The following ANKDD1B variants were observed in gnomAD, a reference collection of about 807,000 sequenced individuals.
ANKDD1B encodes the protein ankyrin repeat and death domain-containing protein 1B.
In ANKDD1B, 57 loss-of-function variants were observed where a neutral mutation model predicts 59.7. The observed-to-expected ratio is 0.95, with a 90% CI of 0.77 to 1.19. The LOEUF (loss-of-function observed/expected upper bound fraction) is 1.19, where lower values mean the gene tolerates loss of function less well. ANKDD1B is among the 50% of genes most tolerant of loss of function. The pLI, the probability that ANKDD1B is intolerant of heterozygous loss-of-function variation, is 0.00. For synonymous variants in ANKDD1B, 216 were observed against 239.5 expected, an observed-to-expected ratio of 0.90 and a Z score of 0.91; for missense variants, 602 against 641.9, an observed-to-expected ratio of 0.94 and a Z score of 0.67.
At chr5:75,621,309 C>G (rs1773843096) in intron 3 of ANKDD1B, among the ~76,000 whole-genome samples, 2 of 152,134 alleles carry the variant, frequency 1.3e-5, no homozygotes, top group African/African-American at 4.8e-5. Flanking sequence ...GGGCACAGTT[C>G]CATGATTTGC....
intron 10 of ANKDD1B, among the ~76,000 whole-genome samples, chr5:75,662,922 C>T (rs907866498): frequency 6.6e-6 from 1 of 151,998 alleles, no homozygotes; most frequent in Non-Finnish European, 1.5e-5. Flanking sequence ...TAAGATCCAG[C>T]CCTTTTCTGT....
chr5:75,644,694 CAGAA>C (rs1367820691), intron 7 of ANKDD1B, among the ~76,000 whole-genome samples: 16 of 31,550 alleles, frequency 5.1e-4, no homozygotes, highest in African/African-American at 5.0e-3. Context: ...ATCAACGAGA[CAGAA>C]AGTCAACAAG....
Position 75,666,835 on chromosome 5 carries a change from T to C in ANKDD1B, c.1235T>C (p.Leu412Pro). The change falls in exon 12 of 14, where the codon CTG becomes CCG. Residue 412 changes from leucine (L) to proline (P), a missense_variant. Coordinates refer to ENST00000601380, the MANE Select transcript of ANKDD1B (RefSeq NM_001276713.2). ...SIRDPSTGFT[L>P]TFKQDHSLET... ...AGGGACCCGTCAACAGGCTTTACTC[T>C]GACATTCAAGCAAGATCACAGTCTG... is the stretch of plus-strand genomic sequence containing the variant. The C allele has an allele frequency of 1.3e-6, 2 of 1,536,046 alleles. No homozygotes were observed. The highest frequency in any genetic ancestry group is 1.7e-6 in the Non-Finnish European group (2 of 1,146,872).
At chr5:75,640,445 A>T (rs78716683) in intron 7 of ANKDD1B, among the ~76,000 whole-genome samples, 7 of 152,232 alleles carry the variant, frequency 4.6e-5, no homozygotes, top group Admixed American at 3.3e-4. Flanking sequence ...GTGCCAAAGC[A>T]TATAGTCTTG....
rs1773672618 is a variant in ANKDD1B at position 75,614,843 on chromosome 5, G to GAAAC, written c.194-1957_194-1954dup. Among the ~76,000 whole-genome samples, 8 of 152,324 alleles carry GAAAC rather than the reference G, an allele frequency of 5.3e-5. No homozygotes were observed. In the South Asian group the frequency reaches 1.5e-3, roughly 28 times the overall value. On this transcript the variant is annotated intron_variant, in intron 1 of 13. Transcript: ENST00000601380. ...AGTACCATTTAGCTGTTCAGGTACA[G>GAAAC]AAACAAAGCAAGTAGCAGTTGGATT...
intron 7 of ANKDD1B, among the ~76,000 whole-genome samples, chr5:75,638,503 T>C (rs1774375745): frequency 6.6e-6 from 1 of 152,200 alleles, no homozygotes; most frequent in Non-Finnish European, 1.5e-5. Flanking sequence ...CCCATATCAG[T>C]AAAGAAAGTT....
At position 75,666,974 on chromosome 5, in the gene ANKDD1B, C is replaced by T; in HGVS notation, c.1374C>T (p.Ala458=). 1 of 1,484,116 alleles carries T rather than the reference C, an allele frequency of 6.7e-7. No homozygotes were observed. Among genetic ancestry groups the T allele is most frequent in the African/African-American group, 1.4e-5 (1 of 71,420 alleles). 91.9% of individuals were successfully genotyped at this position (1,484,116 alleles called of 1,614,324 possible). The part of the protein sequence containing the change: ...SWNFTDDQIR[A]IEEQWSGNES... The stretch of plus-strand genomic sequence containing the variant: ...ACTTTACAGATGACCAGATTAGAGC[C>T]ATTGAGGAGCAGTGGTCGGGTGAGT... The change falls in exon 12 of 14, where the codon GCC becomes GCT. Residue 458 remains alanine (A), a synonymous_variant. Transcript: ENST00000601380.
intron 5 of ANKDD1B, among the ~76,000 whole-genome samples, chr5:75,632,519 C>T (rs1774192544): frequency 6.6e-6 from 1 of 152,166 alleles, no homozygotes; most frequent in South Asian, 2.1e-4. Context: ...ATGTGACCAT[C>T]CCTGAACCAA....
chr5:75,644,992 A>G (rs1774601183), intron 7 of ANKDD1B, among the ~76,000 whole-genome samples: 1 of 133,672 alleles, frequency 7.5e-6, no homozygotes, highest in African/African-American at 4.1e-5. Context: ...CTGCTCCTGA[A>G]TGACTATTGG....
chr5:75,626,782 GTTTTT>G (rs57852660), intron 5 of ANKDD1B, among the ~76,000 whole-genome samples: 12 of 146,566 alleles, frequency 8.2e-5, no homozygotes, highest in South Asian at 2.1e-4. Flanking sequence ...TCTAGGCCTT[GTTTTT>G]TTTTTTTGTT....
chr5:75,667,215 A>G (rs980970583), intron 12 of ANKDD1B, among the ~76,000 whole-genome samples: 22 of 152,218 alleles, frequency 1.4e-4, no homozygotes, highest in Admixed American at 1.4e-3. Flanking sequence ...CGAAGTTTGT[A>G]AAGGATGATT....
intron 4 of ANKDD1B, 33 bp from the exon 5 acceptor site, chr5:75,625,818 C>T (rs1773979585): frequency 6.5e-7 from 1 of 1,530,898 alleles, no homozygotes; most frequent in Non-Finnish European, 8.8e-7. Context: ...TCTGAGGTCA[C>T]TGTCTATCTC....
At chr5:75,611,911 C>T in intron 1 of ANKDD1B, 84 bp downstream of exon 1, 1 of 1,107,036 alleles carries the variant, frequency 9.0e-7, no homozygotes, top group East Asian at 3.2e-5. Flanking sequence ...CAGAGCAGCA[C>T]CTCCGGACGC....
At position 75,663,449 on chromosome 5, in the gene ANKDD1B, G is replaced by A. The variant is rs1446118875; in HGVS notation, c.1151G>A (p.Gly384Asp). 2 of 1,536,442 alleles carry A rather than the reference G, an allele frequency of 1.3e-6. No individual in the cohort carries two copies. The highest frequency in any genetic ancestry group is 2.4e-5 in the East Asian group (1 of 40,918). ...AGGAGCAACCATAGCCTTGTCGTGGGCATGCTCATTAAAGCAGAGAGATAC... is the reference window on the plus strand; with the variant it reads ...AGGAGCAACCATAGCCTTGTCGTGGACATGCTCATTAAAGCAGAGAGATAC... ...ASRSNHSLVV[G>D]MLIKAERYYA... The change falls in exon 11 of 14, where the codon GGC (glycine) becomes GAC (aspartate). Residue 384 changes from glycine to aspartate, a missense_variant. Transcript: ENST00000601380.
intron 9 of ANKDD1B, among the ~76,000 whole-genome samples, chr5:75,656,407 G>A (rs1435072147): frequency 6.6e-6 from 1 of 152,150 alleles, no homozygotes; most frequent in African/African-American, 2.4e-5. Context: ...GTAGCTCAGA[G>A]CTAAATGGCC....
At chr5:75,661,174 A>G (rs1454648461) in intron 10 of ANKDD1B, among the ~76,000 whole-genome samples, 2 of 151,402 alleles carry the variant, frequency 1.3e-5, no homozygotes, top group African/African-American at 4.9e-5. Context: ...TGAGGCAGGC[A>G]GATCATGAGG....
intron 7 of ANKDD1B, among the ~76,000 whole-genome samples, chr5:75,636,517 G>A (rs1446409547): frequency 1.3e-5 from 2 of 152,140 alleles, no homozygotes; most frequent in African/African-American, 4.8e-5. Context: ...AAGAGGGAGG[G>A]TTTGGCTTTG....
chr5:75,640,604 G>A (rs757596823), intron 7 of ANKDD1B, among the ~76,000 whole-genome samples: 1 of 152,176 alleles, frequency 6.6e-6, no homozygotes, highest in South Asian at 2.1e-4. Context: ...CCTTTTGTTG[G>A]AATGGAGAAA....
chr5:75,633,291 G>T (rs1774214316), intron 5 of ANKDD1B, among the ~76,000 whole-genome samples: 1 of 152,158 alleles, frequency 6.6e-6, no homozygotes, highest in Non-Finnish European at 1.5e-5. Context: ...GCCCAAGAAT[G>T]ATGAATTAGG....
Sources: allele counts gnomAD v4.1 joint callset (sites outside exome capture counted in the v4.1 genomes callset), GRCh38; gene constraint gnomAD v4.1.1; transcripts MANE v1.5; gene names NCBI Gene and HGNC (gene_info 2026-07-23, HGNC 2026-07-21).